The following ZNF609 variants were observed in gnomAD, a reference collection of about 807,000 sequenced individuals.
The protein encoded by ZNF609 is zinc finger protein 609.
In ZNF609, 11 loss-of-function variants were observed where a neutral mutation model predicts 109.5. The observed-to-expected ratio is 0.10, with a 90% CI of 0.06 to 0.17. ZNF609 has a LOEUF of 0.17. Among genes scored for constraint, ZNF609 ranks in the 10% least tolerant of loss-of-function variants. The pLI is 1.00. For missense variants in ZNF609, 1,559 were observed against 1,772.4 expected (o/e 0.88, Z 2.16); for synonymous variants, 646 against 662.0 (o/e 0.98, Z 0.37).
chr15:64,535,988 T>G (rs1296042702), intron 2 of ZNF609, among the ~76,000 whole-genome samples: 1 of 152,132 alleles, frequency 6.6e-6, no homozygotes, highest in Non-Finnish European at 1.5e-5. Flanking sequence ...TTTCATTAAT[T>G]TTTTTCTTTG....
At chr15:64,593,156 G>A in intron 2 of ZNF609, 7 of 1,562,890 alleles carry the variant, frequency 4.5e-6, no homozygotes, top group South Asian at 3.3e-5. Context: ...GAGCGTCTTC[G>A]ATGCCTATGT....
At chr15:64,663,547 T>G (rs1178965552) in intron 3 of ZNF609, among the ~76,000 whole-genome samples, 1 of 152,094 alleles carries the variant, frequency 6.6e-6, no homozygotes, top group East Asian at 1.9e-4. Flanking sequence ...ATCTGGAGTT[T>G]AGGGGAGAGG....
At chr15:64,621,324 TA>T (rs749434543) in intron 2 of ZNF609, among the ~76,000 whole-genome samples, 143 of 152,202 alleles carry the variant, frequency 9.4e-4, no homozygotes, top group Non-Finnish European at 1.7e-3. Context: ...TTTAAAGAGT[TA>T]AAGGATCACT....
At chr15:64,473,899 C>T (rs1433214908) in intron 1 of ZNF609, among the ~76,000 whole-genome samples, 1 of 152,010 alleles carries the variant, frequency 6.6e-6, no homozygotes, top group Non-Finnish European at 1.5e-5. Context: ...CTCAGCCTCC[C>T]GAGTAGCTGT....
At chr15:64,623,855 CAGAGTATATGTGGTT>C (rs1317810659) in intron 3 of ZNF609, among the ~76,000 whole-genome samples, 1 of 152,174 alleles carries the variant, frequency 6.6e-6, no homozygotes, top group Non-Finnish European at 1.5e-5. Context: ...AAATCCTTGT[CAGAGTATATGTGGTT>C]AGAGAGTCTG....
rs188756487 is a variant in ZNF609 at position 64,476,170 on chromosome 15, G to A, written c.-128+15332G>A. Among the ~76,000 whole-genome samples the A allele has an allele frequency of 1.2e-4, 18 of 152,176 alleles. No homozygotes were observed. The East Asian group carries it at 3.1e-3, about 26-fold the overall frequency. ...CTGCTAGGGCAATATAGGCATTGTT[G>A]GGCCATCTGGGTGTGGTTGACTTCT... On this transcript the variant is annotated intron_variant, in intron 1 of 9. Transcript: ENST00000326648.
intron 2 of ZNF609, among the ~76,000 whole-genome samples, chr15:64,531,672 GA>G (rs1052441476): frequency 6.6e-6 from 1 of 152,058 alleles, no homozygotes; most frequent in African/African-American, 2.4e-5. Flanking sequence ...GCTGGGATTA[GA>G]AATTTGAGCC....
intron 3 of ZNF609, among the ~76,000 whole-genome samples, chr15:64,642,214 C>T (rs559447980): frequency 7.2e-5 from 11 of 152,174 alleles, no homozygotes; most frequent in South Asian, 4.1e-4. Flanking sequence ...AACAGAGTCT[C>T]GTTCTGTCAC....
intron 2 of ZNF609, among the ~76,000 whole-genome samples, chr15:64,558,803 A>T (rs755485813): frequency 1.4e-4 from 21 of 152,216 alleles, no homozygotes; most frequent in Non-Finnish European, 2.9e-4. Context: ...AAATCTTGGT[A>T]TTGGAACTTA....
At chr15:64,487,275 C>G (rs1467519455) in intron 1 of ZNF609, among the ~76,000 whole-genome samples, 2 of 152,168 alleles carry the variant, frequency 1.3e-5, no homozygotes, top group Non-Finnish European at 2.9e-5. Flanking sequence ...ATAGCCTAAT[C>G]TGTGGTGATT....
intron 3 of ZNF609, among the ~76,000 whole-genome samples, chr15:64,627,233 A>T (rs894726847): frequency 6.6e-6 from 1 of 152,128 alleles, no homozygotes. Flanking sequence ...TACCAAGTCT[A>T]TTCTGGGTTC....
intron 3 of ZNF609, among the ~76,000 whole-genome samples, chr15:64,655,144 AG>A (rs1896472037): frequency 1.4e-5 from 2 of 147,836 alleles, no homozygotes; most frequent in South Asian, 4.2e-4. Context: ...AAAACAGAAT[AG>A]AAAAAAAAAA....
chr15:64,669,182 C>G (rs1315927183), intron 3 of ZNF609, among the ~76,000 whole-genome samples: 1 of 152,094 alleles, frequency 6.6e-6, no homozygotes, highest in Non-Finnish European at 1.5e-5. Context: ...ACTCCAAATA[C>G]AAGTGCACTG....
intron 3 of ZNF609, chr15:64,631,323 C>A: frequency 1.4e-6 from 1 of 697,866 alleles, no homozygotes. Flanking sequence ...GCTGAATACA[C>A]ACATTAATTC....
intron 6 of ZNF609, 47 bp from the exon 7 acceptor site, chr15:64,680,138 C>T (rs766625048): frequency 6.3e-7 from 1 of 1,599,194 alleles, no homozygotes; most frequent in South Asian, 1.1e-5. Context: ...AGCAGAGTTT[C>T]CTCTACCTCT....
intron 3 of ZNF609, among the ~76,000 whole-genome samples, chr15:64,645,008 TCTTCCTTC>T (rs1170783769): frequency 2.9e-4 from 41 of 140,146 alleles, no homozygotes; most frequent in South Asian, 1.6e-3. Context: ...TTTCTTTCTT[TCTTCCTTC>T]CTTCCTTCCT....
At chr15:64,496,657 G>A (rs556292261) in intron 1 of ZNF609, among the ~76,000 whole-genome samples, 16 of 152,234 alleles carry the variant, frequency 1.1e-4, no homozygotes, top group African/African-American at 2.2e-4. Flanking sequence ...TGCCTGGCAC[G>A]TTGAAGGCAA....
chr15:64,624,295 G>A (rs901307832), intron 3 of ZNF609, among the ~76,000 whole-genome samples: 4 of 152,128 alleles, frequency 2.6e-5, no homozygotes, highest in Admixed American at 1.3e-4. Flanking sequence ...CTGGATATGT[G>A]TATACAATAT....
chr15:64,547,702 G>C (rs1036721394), intron 2 of ZNF609, among the ~76,000 whole-genome samples: 1 of 151,728 alleles, frequency 6.6e-6, no homozygotes, highest in Non-Finnish European at 1.5e-5. Flanking sequence ...CAGTGTACCA[G>C]GCACTGTTTT....
Sources: allele counts gnomAD v4.1 joint callset (sites outside exome capture counted in the v4.1 genomes callset), GRCh38; gene constraint gnomAD v4.1.1; transcripts MANE v1.5; gene names NCBI Gene and HGNC (gene_info 2026-07-23, HGNC 2026-07-21).